RTN4IP1: variants seen among roughly 807,000 people sequenced by gnomAD.
The protein encoded by RTN4IP1 is reticulon 4 interacting protein 1, also known as NAD(P)H oxidoreductase RTN4IP1, mitochondrial.
Under a neutral mutation model 46.6 loss-of-function variants are expected in RTN4IP1, and 32 were observed. The observed-to-expected ratio is 0.69, with a 90% CI of 0.52 to 0.92. The LOEUF (loss-of-function observed/expected upper bound fraction) is 0.92. RTN4IP1 is among the 40% of genes least tolerant of loss of function. The pLI, the probability that RTN4IP1 is intolerant of heterozygous loss-of-function variation, is 0.00. For synonymous variants in RTN4IP1, 167 were observed against 161.8 expected (o/e 1.03, Z -0.24); for missense variants, 424 against 485.8 (o/e 0.87, Z 1.20).
At chr6:106,624,702 C>A (rs913381216) in intron 1 of RTN4IP1, among the ~76,000 whole-genome samples, 2 of 150,272 alleles carry the variant, frequency 1.3e-5, no homozygotes, top group African/African-American at 4.9e-5. Flanking sequence ...AATCCCAGGA[C>A]TTTGGGAGAC....
At chr6:106,601,953 G>A (rs1326128799) in intron 5 of RTN4IP1, among the ~76,000 whole-genome samples, 3 of 151,990 alleles carry the variant, frequency 2.0e-5, no homozygotes, top group African/African-American at 4.8e-5. Context: ...TGAGGTAGGG[G>A]CTCAACTTCA....
chr6:106,623,102 A>G (rs1012958297), intron 1 of RTN4IP1, 133 bp from the exon 2 acceptor site: 9 of 846,946 alleles, frequency 1.1e-5, no homozygotes, highest in African/African-American at 1.0e-4. Context: ...ACAAAGACAC[A>G]TAAGTGTATG....
chr6:106,599,472 T>C (rs1242059377), intron 5 of RTN4IP1, among the ~76,000 whole-genome samples: 3 of 149,448 alleles, frequency 2.0e-5, no homozygotes, highest in African/African-American at 7.4e-5. Flanking sequence ...TTTTAAGAAG[T>C]TTTACTAAGT....
intron 7 of RTN4IP1, among the ~76,000 whole-genome samples, chr6:106,583,986 G>C (rs1226032019): frequency 6.6e-6 from 1 of 152,134 alleles, no homozygotes; most frequent in Non-Finnish European, 1.5e-5. Context: ...CTTTCCCTAT[G>C]GTTATGGCAA....
chr6:106,619,544 CACA>C lies in RTN4IP1; in HGVS notation c.496-221_496-219del, dbSNP rs143674788. Among the ~76,000 whole-genome samples, 4,977 of 151,168 alleles carry C rather than the reference CACA, an allele frequency of 0.033. 264 individuals carry two copies. The highest frequency in any genetic ancestry group is 0.19 in the East Asian group (989 of 5,152). On this transcript the variant is annotated intron_variant, in intron 3 of 8. Coordinates refer to ENST00000369063, the MANE Select transcript of RTN4IP1 (RefSeq NM_032730.5). ...CTCCTCCTCTTTCTAGTAACTTGAA[CACA>C]ACAAGGATGAAAATCTTTATGATGA...
At chr6:106,592,759 A>G (rs562753037) in intron 5 of RTN4IP1, among the ~76,000 whole-genome samples, 14 of 152,312 alleles carry the variant, frequency 9.2e-5, no homozygotes, top group African/African-American at 2.4e-4. Flanking sequence ...CCCCGTCTCT[A>G]CTAAAAATAT....
At chr6:106,576,087 A>G (rs1775219942) in intron 8 of RTN4IP1, among the ~76,000 whole-genome samples, 1 of 152,130 alleles carries the variant, frequency 6.6e-6, no homozygotes, top group Non-Finnish European at 1.5e-5. Flanking sequence ...AAGGTTCAGT[A>G]TTTCCTGGGT....
At position 106,622,898 on chromosome 6, in the gene RTN4IP1, G is replaced by A; in HGVS notation, c.346C>T (p.Pro116Ser). 1 of 1,614,118 alleles carries A rather than the reference G, an allele frequency of 6.2e-7. No homozygotes were observed. The highest frequency in any genetic ancestry group is 1.1e-5 in the South Asian group (1 of 91,078). ...LHVKIKGEEFPLTLGRDVSGV... is the reference protein window; with the variant it reads ...LHVKIKGEEFSLTLGRDVSGV... ...GAGACATCCCGACCCAGAGTCAGAG[G>A]AAATTCTTCTCCTTTGATTTTCACG... is the stretch of plus-strand genomic sequence containing the variant. The change falls in exon 2 of 9, where the codon CCT becomes TCT. Residue 116 changes from proline to serine, a missense_variant. By Grantham distance (74) the Pro-to-Ser change is moderately conservative. Transcript: ENST00000369063.
At chr6:106,590,738 A>T (rs1006508723) in intron 6 of RTN4IP1, among the ~76,000 whole-genome samples, 4 of 148,278 alleles carry the variant, frequency 2.7e-5, no homozygotes, top group African/African-American at 9.8e-5. Context: ...AAAAAAAGAT[A>T]CAAGATCAAC....
At chr6:106,591,420 C>CT (rs35262095) in intron 6 of RTN4IP1, among the ~76,000 whole-genome samples, 1 of 151,898 alleles carries the variant, frequency 6.6e-6, no homozygotes, top group Non-Finnish European at 1.5e-5. Flanking sequence ...TAAGGACTCC[C>CT]TTTTTTTTCT....
Position 106,571,376 on chromosome 6 carries a change from T to C in RTN4IP1, c.*620A>G, listed in dbSNP as rs1365880077. 2 of 152,362 alleles carry C rather than the reference T, an allele frequency of 1.3e-5. No homozygotes were observed. Among genetic ancestry groups the C allele is most frequent in the African/African-American group, 2.4e-5 (1 of 41,554 alleles). 9.4% of individuals were successfully genotyped at this position (152,362 alleles called of 1,614,324 possible). The stretch of plus-strand genomic sequence containing the variant: ...AATTATCTCTTCATGCCAACATCCA[T>C]CTATACACTGAAAGTTTTAGTATTG... On this transcript the variant is annotated 3_prime_UTR_variant, in exon 9 of 9. Transcript: ENST00000369063.
At chr6:106,595,396 T>A (rs1285060256) in intron 5 of RTN4IP1, among the ~76,000 whole-genome samples, 2 of 152,230 alleles carry the variant, frequency 1.3e-5, no homozygotes, top group Non-Finnish European at 2.9e-5. Context: ...TTTATTATCT[T>A]AGCAGCTGTC....
At chr6:106,629,627 G>A (rs2054365), upstream of RTN4IP1, 596,746 of 1,569,286 alleles carry the variant, frequency 0.38, 118,536 homozygotes, top group Non-Finnish European at 0.41. Flanking sequence ...AGCGACCGGT[G>A]ACCTCTTTTT....
At chr6:106,630,277 C>A (rs1401753216), upstream of RTN4IP1, among the ~76,000 whole-genome samples, 1 of 152,156 alleles carries the variant, frequency 6.6e-6, no homozygotes, top group Non-Finnish European at 1.5e-5. Flanking sequence ...CATAAGCACC[C>A]TCAAATTCAC....
rs573961910 is a variant in RTN4IP1, at chr6:106,624,398, C to T, written c.275-1429G>A. Among the ~76,000 whole-genome samples the T allele has an allele frequency of 4.6e-4, 70 of 151,686 alleles. 1 individual carries two copies. The highest frequency in any genetic ancestry group is 4.1e-3 in the Admixed American group (63 of 15,228). On this transcript the variant is annotated intron_variant, in intron 1 of 8. Transcript: ENST00000369063. ...AGAGATGAAGCCTCACTCTGTTGCC[C>T]AAATGCAGTGATGTGATCTTGGCTC... is the stretch of plus-strand genomic sequence containing the variant.
chr6:106,627,415 T>C (rs1321234265), intron 1 of RTN4IP1, among the ~76,000 whole-genome samples: 1 of 152,164 alleles, frequency 6.6e-6, no homozygotes, highest in Admixed American at 6.5e-5. Context: ...AATTTAAGTT[T>C]GTTATCTTAA....
chr6:106,618,386 C>T (rs935243639), intron 4 of RTN4IP1, among the ~76,000 whole-genome samples: 4 of 152,116 alleles, frequency 2.6e-5, no homozygotes, highest in Non-Finnish European at 5.9e-5. Context: ...CAACAAAAAA[C>T]AAAATCATCA....
intron 8 of RTN4IP1, among the ~76,000 whole-genome samples, chr6:106,574,476 C>G (rs1390074129): frequency 6.6e-6 from 1 of 152,014 alleles, no homozygotes; most frequent in Non-Finnish European, 1.5e-5. Flanking sequence ...TCCTGTATGT[C>G]CCACATGAAA....
chr6:106,596,945 CTCA>C (rs140848817), intron 5 of RTN4IP1, among the ~76,000 whole-genome samples: 1 of 152,252 alleles, frequency 6.6e-6, no homozygotes, highest in Non-Finnish European at 1.5e-5. Context: ...GCCAAAAAGT[CTCA>C]TGATAGTCTA....
Sources: allele counts gnomAD v4.1 joint callset (sites outside exome capture counted in the v4.1 genomes callset), GRCh38; gene constraint gnomAD v4.1.1; transcripts MANE v1.5; gene names NCBI Gene and HGNC (gene_info 2026-07-23, HGNC 2026-07-21).